Variants in SPTLC1 observed in about 807,000 individuals in gnomAD.
The protein encoded by SPTLC1 is serine palmitoyltransferase 1.
SPTLC1 carries 55 observed loss-of-function variants against 68.9 expected under a neutral mutation model. The ratio of observed to expected loss-of-function variants is 0.80; its 90% CI spans 0.64 to 1.00. The LOEUF (loss-of-function observed/expected upper bound fraction) is 1.00, where lower values mean the gene tolerates loss of function less well. Ranked by LOEUF, SPTLC1 falls within the 50% of genes least tolerant of loss-of-function variation. The probability of loss-of-function intolerance (pLI) is 0.00; values close to 1 mark genes in which losing one functional copy is unlikely to be tolerated. For synonymous variants in SPTLC1, 197 were observed against 201.6 expected (o/e 0.98, Z 0.19); for missense variants, 449 against 573.1 (o/e 0.78, Z 2.21).
chr9:92,047,858 T>A (rs1005154536), intron 9 of SPTLC1, 150 bp from the exon 10 acceptor site: 17 of 645,534 alleles, frequency 2.6e-5, no homozygotes, highest in Non-Finnish European at 4.4e-5. Context: ...AAATAAACCA[T>A]ATAACATCTA....
chr9:92,058,816 C>A (rs941864284), intron 7 of SPTLC1, among the ~76,000 whole-genome samples: 4 of 152,090 alleles, frequency 2.6e-5, no homozygotes, highest in African/African-American at 9.7e-5. Context: ...TATGAATAAG[C>A]CTATTCTGAA....
intron 3 of SPTLC1, among the ~76,000 whole-genome samples, chr9:92,087,565 G>A (rs1487216599): frequency 2.6e-5 from 4 of 152,142 alleles, no homozygotes; most frequent in Non-Finnish European, 2.9e-5. Context: ...GCGGATTTTC[G>A]TGAACCGGGA....
chr9:92,094,671 T>C (rs1835470812), intron 3 of SPTLC1, among the ~76,000 whole-genome samples: 1 of 152,242 alleles, frequency 6.6e-6, no homozygotes, highest in Admixed American at 6.5e-5. Flanking sequence ...CATAGTTTTA[T>C]CGTCCTTCCA....
At chr9:92,105,000 C>T (rs866669498) in intron 3 of SPTLC1, 44 of 1,519,934 alleles carry the variant, frequency 2.9e-5, no homozygotes, top group Middle Eastern at 4.6e-4. Context: ...GCCCCAGTTC[C>T]GGGCTGCTCC....
chr9:92,058,427 GA>G (rs74390152), intron 7 of SPTLC1, among the ~76,000 whole-genome samples: 16,405 of 152,216 alleles, frequency 0.11, 1,908 homozygotes, highest in African/African-American at 0.3. Flanking sequence ...CTGAGATGAA[GA>G]CACACATCAT....
rs752386024 is a variant in SPTLC1 at position 92,032,376 on chromosome 9, GCT to G, written c.*87_*88del. The stretch of plus-strand genomic sequence containing the variant: ...TCCTATCAAAGATCCACATGTTCTT[GCT>G]CTCTTTCAGGCCACTCCATGGCCAG... On this transcript the variant is annotated 3_prime_UTR_variant, in exon 15 of 15. Transcript: ENST00000262554. 3.1e-6 allele frequency: 5 copies of G among 1,603,366 alleles called. No homozygotes were observed. The East Asian group carries it at 1.1e-4, about 36-fold the overall frequency.
At chr9:92,081,464 G>A (rs2118685125) in intron 3 of SPTLC1, among the ~76,000 whole-genome samples, 1 of 152,324 alleles carries the variant, frequency 6.6e-6, no homozygotes, top group East Asian at 1.9e-4. Context: ...GTTAACGCTG[G>A]AATGCTGTTG....
At chr9:92,034,749 C>T (rs368818046) in intron 14 of SPTLC1, 61 bp downstream of exon 14, 10 of 1,408,786 alleles carry the variant, frequency 7.1e-6, no homozygotes, top group South Asian at 1.1e-5. Context: ...CAAAAGATAA[C>T]GTATTTCATA....
At chr9:92,071,147 C>T (rs1426352195) in intron 5 of SPTLC1, among the ~76,000 whole-genome samples, 9 of 149,334 alleles carry the variant, frequency 6.0e-5, no homozygotes, top group African/African-American at 2.2e-4. Flanking sequence ...CCCAGCACTT[C>T]GGGAGGCCGA....
chr9:92,105,253 A>G (rs1004312030), intron 3 of SPTLC1: 23 of 1,534,240 alleles, frequency 1.5e-5, no homozygotes, highest in Non-Finnish European at 2.0e-5. Flanking sequence ...AGGGGCCCCC[A>G]CCGGCTAAGC....
In SPTLC1 at chr9:92,034,793, T is replaced by C. The variant is rs1564079064; in HGVS notation, c.1328+17A>G. On this transcript the variant is annotated intron_variant, in intron 14 of 14. Transcript: ENST00000262554. ...AGTAGGGGAAAAAAATAAGGTCATA[T>C]TTTAACGTCAACTGACCTGGGAGGA... The C allele has an allele frequency of 1.2e-6, 2 of 1,612,226 alleles. No homozygotes were observed. Among genetic ancestry groups the C allele is most frequent in the East Asian group, 4.5e-5 (2 of 44,886 alleles).
At chr9:92,104,911 T>A in intron 3 of SPTLC1, 1 of 1,534,380 alleles carries the variant, frequency 6.5e-7, no homozygotes, top group Non-Finnish European at 8.7e-7. Flanking sequence ...CCAAGGGCCA[T>A]GGAGTCGCCA....
At chr9:92,105,475 C>T (rs1466646284) in intron 3 of SPTLC1, 14 of 961,714 alleles carry the variant, frequency 1.5e-5, no homozygotes, top group East Asian at 5.2e-5. Flanking sequence ...GAGGCCCAGG[C>T]GGGTGGATCA....
At chr9:92,092,499 C>A (rs990367297) in intron 3 of SPTLC1, among the ~76,000 whole-genome samples, 1 of 152,048 alleles carries the variant, frequency 6.6e-6, no homozygotes, top group African/African-American at 2.4e-5. Context: ...GAGGTTAAGG[C>A]GGGTGGATCA....
intron 3 of SPTLC1, among the ~76,000 whole-genome samples, chr9:92,089,941 G>A (rs985838710): frequency 2.6e-5 from 4 of 152,188 alleles, no homozygotes; most frequent in African/African-American, 9.7e-5. Context: ...CAAGGCTGCA[G>A]GGCAAATAAT....
chr9:92,068,109 T>TA lies in SPTLC1; in HGVS notation c.428-12dup, dbSNP rs1834358753. 1 of 1,611,502 alleles carries TA rather than the reference T, an allele frequency of 6.2e-7. No individual in the cohort carries two copies. Among genetic ancestry groups the TA allele is most frequent in the Non-Finnish European group, 8.5e-7 (1 of 1,179,006 alleles). On this transcript the variant is annotated splice_polypyrimidine_tract_variant and intron_variant, in intron 5 of 14. Transcript: ENST00000262554. Reference sequence around the variant, plus strand: ...AATCCAAATGAACATCTATTTCAGTTAAAAAAGTTAAATGGTTAAACTGCC... The same window carrying TA: ...AATCCAAATGAACATCTATTTCAGTTAAAAAAAGTTAAATGGTTAAACTGCC...
intron 13 of SPTLC1, among the ~76,000 whole-genome samples, chr9:92,038,027 T>C (rs944419744): frequency 1.3e-5 from 2 of 152,198 alleles, no homozygotes; most frequent in African/African-American, 2.4e-5. Context: ...GAGCCACACA[T>C]TGACCCAATG....
chr9:92,073,961 G>T (rs1046623955), intron 5 of SPTLC1, among the ~76,000 whole-genome samples: 1 of 152,204 alleles, frequency 6.6e-6, no homozygotes, highest in Non-Finnish European at 1.5e-5. Context: ...TCTAAGCCAT[G>T]CCCCTGTGTG....
rs1833855213 is a variant in SPTLC1, at chr9:92,055,449, C to T, written c.736G>A (p.Gly246Arg). 1.9e-6 allele frequency: 3 copies of T among 1,613,708 alleles called. No individual in the cohort carries two copies. The highest frequency in any genetic ancestry group is 2.5e-6 in the Non-Finnish European group (3 of 1,179,890). ...RVTRRFIVVE[G>R]LYMNTGTICP... ...ATAGTTCCAGTATTCATATACAATC[C>T]TTCTACTACAATGAAACGCCGAGTT... The change falls in exon 8 of 15, where the codon GGA (glycine) becomes AGA (arginine). Residue 246 changes from glycine (G) to arginine (R), a missense_variant. Around this residue, in one of 3 missense-constraint regions of SPTLC1, gnomAD observed 391 missense variants for 472.1 expected, o/e 0.83. Transcript: ENST00000262554.
Sources: gnomAD v4.1 joint callset for allele counts (sites outside exome capture counted in the v4.1 genomes callset) on GRCh38, gnomAD v4.1.1 for gene constraint, gnomAD v4.1.1 regional missense constraint, MANE v1.5 for transcripts, NCBI Gene and HGNC (gene_info 2026-07-23, HGNC 2026-07-21) for gene names.